KSR2: variants seen among roughly 807,000 people sequenced by gnomAD.
KSR2 encodes kinase suppressor of ras 2.
A neutral mutation model predicts 107.8 loss-of-function variants in KSR2; 25 were observed. That is an observed-to-expected ratio of 0.23 (90% CI 0.17 to 0.32). The LOEUF (loss-of-function observed/expected upper bound fraction) is 0.32. Ranked by LOEUF, KSR2 falls within the 10% of genes least tolerant of loss-of-function variation. The pLI is 1.00. For synonymous variants in KSR2, 480 were observed against 507.0 expected (o/e 0.95, Z 0.71); for missense variants, 887 against 1,268.9 (o/e 0.70, Z 4.57).
intron 5 of KSR2, among the ~76,000 whole-genome samples, chr12:117,584,910 T>G (rs1879897892): frequency 6.6e-6 from 1 of 152,236 alleles, no homozygotes; most frequent in African/African-American, 2.4e-5. Flanking sequence ...GCCAGGCACC[T>G]GCAGATTCTC....
At chr12:117,773,208 GT>G (rs1889568061) in intron 3 of KSR2, among the ~76,000 whole-genome samples, 1 of 152,164 alleles carries the variant, frequency 6.6e-6, no homozygotes, top group African/African-American at 2.4e-5. Flanking sequence ...GGCTCTGGGG[GT>G]TATTAATTGT....
intron 3 of KSR2, among the ~76,000 whole-genome samples, chr12:117,798,122 A>G (rs1890700258): frequency 6.6e-6 from 1 of 152,178 alleles, no homozygotes; most frequent in South Asian, 2.1e-4. Context: ...GAAGCATCAA[A>G]TGGGATCTTC....
At chr12:117,468,821 A>G (rs1389273663) in intron 19 of KSR2, among the ~76,000 whole-genome samples, 2 of 152,114 alleles carry the variant, frequency 1.3e-5, no homozygotes, top group Admixed American at 6.5e-5. Context: ...ATGTTTTTGT[A>G]TATGGATGTG....
At chr12:117,911,968 C>T (rs1451363766) in intron 1 of KSR2, among the ~76,000 whole-genome samples, 1 of 152,246 alleles carries the variant, frequency 6.6e-6, no homozygotes, top group African/African-American at 2.4e-5. Flanking sequence ...CTCCAAAGGA[C>T]GTGAATCCTC....
chr12:117,802,368 C>T (rs1282353445), intron 3 of KSR2, among the ~76,000 whole-genome samples: 1 of 152,134 alleles, frequency 6.6e-6, no homozygotes, highest in Non-Finnish European at 1.5e-5. Context: ...TCTCAACATC[C>T]TTCATTTAAT....
chr12:117,901,739 C>A (rs979423357), intron 1 of KSR2, among the ~76,000 whole-genome samples: 11 of 152,172 alleles, frequency 7.2e-5, no homozygotes, highest in African/African-American at 2.7e-4. Context: ...TAAGAACCGT[C>A]ATTTCCAGTC....
intron 5 of KSR2, among the ~76,000 whole-genome samples, chr12:117,622,047 T>A (rs1335450955): frequency 6.6e-6 from 1 of 152,126 alleles, no homozygotes; most frequent in Non-Finnish European, 1.5e-5. Flanking sequence ...ATGAAAGTTA[T>A]GTAACTGCTT....
At chr12:117,698,056 G>A (rs61937699) in intron 4 of KSR2, among the ~76,000 whole-genome samples, 6,438 of 152,100 alleles carry the variant, frequency 0.042, 273 homozygotes, top group Admixed American at 0.13. Flanking sequence ...GAAGACTGCC[G>A]GCACATCACT....
At chr12:117,764,392 G>T (rs555279087) in intron 3 of KSR2, among the ~76,000 whole-genome samples, 2 of 152,166 alleles carry the variant, frequency 1.3e-5, no homozygotes, top group Non-Finnish European at 2.9e-5. Flanking sequence ...CCATTTTGTA[G>T]GTAAGGAAAC....
At chr12:117,964,450 T>A (rs540038956) in intron 1 of KSR2, among the ~76,000 whole-genome samples, 1 of 152,366 alleles carries the variant, frequency 6.6e-6, no homozygotes, top group East Asian at 1.9e-4. Context: ...AGTGCCTGGA[T>A]GTCAGCATTT....
chr12:117,901,539 G>A (rs988733578), intron 1 of KSR2, among the ~76,000 whole-genome samples: 5 of 152,046 alleles, frequency 3.3e-5, no homozygotes, highest in African/African-American at 1.2e-4. Context: ...CTGACTTCAG[G>A]CAATTGGCTT....
At chr12:117,561,583 A>C (rs1878123309) in intron 7 of KSR2, among the ~76,000 whole-genome samples, 1 of 152,014 alleles carries the variant, frequency 6.6e-6, no homozygotes, top group South Asian at 2.1e-4. Flanking sequence ...CCTAACTTGC[A>C]CTCTTTTTGC....
At chr12:117,881,275 G>A (rs1198022048) in intron 1 of KSR2, among the ~76,000 whole-genome samples, 1 of 152,178 alleles carries the variant, frequency 6.6e-6, no homozygotes, top group Non-Finnish European at 1.5e-5. Flanking sequence ...TCAACTCTGG[G>A]TTACTTTTTG....
chr12:117,611,995 G>C (rs770214562), intron 5 of KSR2, among the ~76,000 whole-genome samples: 1 of 152,218 alleles, frequency 6.6e-6, no homozygotes, highest in South Asian at 2.1e-4. Context: ...TGTTTAATGA[G>C]TACAGAGTTT....
At chr12:117,906,473 G>T (rs914944615) in intron 1 of KSR2, among the ~76,000 whole-genome samples, 1 of 151,996 alleles carries the variant, frequency 6.6e-6, no homozygotes, top group African/African-American at 2.4e-5. Flanking sequence ...GGGCATGGTG[G>T]TACGCGCCTG....
At chr12:117,884,925 G>A (rs777959001) in intron 1 of KSR2, among the ~76,000 whole-genome samples, 12 of 152,128 alleles carry the variant, frequency 7.9e-5, no homozygotes, top group Admixed American at 2.0e-4. Context: ...AGCACCTGCC[G>A]TGTAGGAAAA....
chr12:117,733,134 G>T (rs767729161), intron 4 of KSR2, among the ~76,000 whole-genome samples: 4 of 152,108 alleles, frequency 2.6e-5, no homozygotes, highest in Non-Finnish European at 5.9e-5. Context: ...CTTAAATGAT[G>T]CATGACAGGT....
chr12:117,692,310 G>C (rs1275606498), intron 4 of KSR2, among the ~76,000 whole-genome samples: 1 of 151,710 alleles, frequency 6.6e-6, no homozygotes, highest in East Asian at 1.9e-4. Flanking sequence ...AAAATAATAA[G>C]CATTGGCAAA....
At chr12:117,944,632 G>C (rs1896117614) in intron 1 of KSR2, among the ~76,000 whole-genome samples, 1 of 152,052 alleles carries the variant, frequency 6.6e-6, no homozygotes, top group Non-Finnish European at 1.5e-5. Flanking sequence ...GAGACAGGCA[G>C]ACCTTTTGAG....
Sources: allele counts gnomAD v4.1 joint callset (sites outside exome capture counted in the v4.1 genomes callset), GRCh38; gene constraint gnomAD v4.1.1; transcripts MANE v1.5; gene names NCBI Gene and HGNC (gene_info 2026-07-23, HGNC 2026-07-21).